Variants in MLIP observed in about 807,000 individuals in gnomAD.
The protein encoded by MLIP is muscular LMNA interacting protein.
MLIP carries 79 observed loss-of-function variants against 84.8 expected under a neutral mutation model. The observed-to-expected ratio is 0.93, with a 90% CI of 0.78 to 1.12. The LOEUF is 1.12. MLIP is among the 50% of genes most tolerant of loss of function. MLIP has a pLI of 0.00. For missense variants in MLIP, 1,257 were observed against 1,160.6 expected (o/e 1.08, Z -1.21); for synonymous variants, 504 against 463.0 (o/e 1.09, Z -1.14).
chr6:54,092,531 T>C (rs1039081261), intron 1 of MLIP, among the ~76,000 whole-genome samples: 4 of 152,070 alleles, frequency 2.6e-5, no homozygotes, highest in African/African-American at 9.7e-5. Context: ...TCTTTATTGA[T>C]CATATTTTCC....
chr6:54,215,430 A>C (rs1582527089), intron 11 of MLIP: 1 of 1,213,814 alleles, frequency 8.2e-7, no homozygotes, highest in East Asian at 3.2e-5. Flanking sequence ...TTTTTTTAAA[A>C]GTATAATTTC....
rs574966494 is a variant in MLIP at position 54,213,432 on chromosome 6, T to A, written c.2718+11199T>A. On this transcript the variant is annotated intron_variant, in intron 11 of 13. Coordinates refer to ENST00000502396, the MANE Select transcript of MLIP (RefSeq NM_001281747.2). The stretch of plus-strand genomic sequence containing the variant: ...AAGACATATCTCAGGCCAGGCTTGG[T>A]GGCTCACGCCTGTAATCCCAGCACT... 3.3e-5 allele frequency among the ~76,000 whole-genome samples: 5 copies of A among 152,278 alleles called. No homozygotes were observed. In the East Asian group the frequency reaches 9.6e-4, roughly 29 times the overall value.
intron 11 of MLIP, among the ~76,000 whole-genome samples, chr6:54,228,281 G>A (rs565674285): frequency 1.3e-5 from 2 of 151,362 alleles, no homozygotes; most frequent in African/African-American, 4.8e-5. Context: ...CCAGGATTAT[G>A]CTAAAGAGAA....
At chr6:54,045,389 A>G (rs542108839) in intron 1 of MLIP, 3 of 151,934 alleles carry the variant, frequency 2.0e-5, no homozygotes, top group African/African-American at 7.3e-5. Context: ...TGCACCATGC[A>G]TGATCAAATT....
intron 11 of MLIP, 99 bp from the exon 12 acceptor site, chr6:54,230,615 G>A (rs1780923882): frequency 1.9e-6 from 2 of 1,033,138 alleles, no homozygotes; most frequent in Admixed American, 1.8e-5. Flanking sequence ...TCTTCTTACT[G>A]GTAAGAGATT....
chr6:54,211,402 C>T (rs1428237310), intron 11 of MLIP, among the ~76,000 whole-genome samples: 2 of 152,108 alleles, frequency 1.3e-5, no homozygotes, highest in Non-Finnish European at 1.5e-5. Context: ...TGAAGACTGG[C>T]CCATTGCAGG....
intron 9 of MLIP, among the ~76,000 whole-genome samples, chr6:54,176,256 G>A (rs1257474624): frequency 6.6e-6 from 1 of 150,858 alleles, no homozygotes; most frequent in Admixed American, 6.6e-5. Context: ...AATGAGATTT[G>A]TAGTATTCCC....
chr6:54,258,905 G>A (rs569323470), intron 13 of MLIP, among the ~76,000 whole-genome samples: 1 of 151,910 alleles, frequency 6.6e-6, no homozygotes, highest in Non-Finnish European at 1.5e-5. Flanking sequence ...TCTCTGTCTG[G>A]TATCTAAATT....
intron 12 of MLIP, among the ~76,000 whole-genome samples, chr6:54,251,644 CAT>C (rs1353676241): frequency 3.2e-5 from 3 of 93,476 alleles, no homozygotes; most frequent in East Asian, 5.4e-4. Flanking sequence ...TATATTATAA[CAT>C]ATAATATATA....
intron 12 of MLIP, among the ~76,000 whole-genome samples, chr6:54,243,544 C>T (rs1471527339): frequency 6.6e-6 from 1 of 152,152 alleles, no homozygotes; most frequent in African/African-American, 2.4e-5. Flanking sequence ...ACTTACTTCA[C>T]ATGCAGCATT....
At chr6:54,146,656 T>G (rs2150514155) in intron 4 of MLIP, among the ~76,000 whole-genome samples, 1 of 152,336 alleles carries the variant, frequency 6.6e-6, no homozygotes, top group East Asian at 1.9e-4. Context: ...GAACAGAGAT[T>G]CATGTGTCAG....
intron 1 of MLIP, among the ~76,000 whole-genome samples, chr6:54,112,069 T>C (rs140309226): frequency 6.6e-6 from 1 of 152,352 alleles, no homozygotes; most frequent in East Asian, 1.9e-4. Flanking sequence ...TTATCTCATA[T>C]TTCTATGACT....
chr6:54,096,101 G>T (rs1210361397), intron 1 of MLIP, among the ~76,000 whole-genome samples: 3 of 152,150 alleles, frequency 2.0e-5, no homozygotes, highest in Admixed American at 1.3e-4. Flanking sequence ...GTTTTGAAAA[G>T]ATTTGTTCTT....
chr6:54,168,516 C>A (rs929553840), intron 8 of MLIP, among the ~76,000 whole-genome samples: 27 of 151,694 alleles, frequency 1.8e-4, no homozygotes, highest in African/African-American at 6.5e-4. Context: ...TATTTCTTTT[C>A]TTCCAGAATG....
chr6:54,036,373 G>T (rs1764442571), intron 1 of MLIP, among the ~76,000 whole-genome samples: 1 of 151,640 alleles, frequency 6.6e-6, no homozygotes, highest in African/African-American at 2.4e-5. Context: ...GCCAAATCAT[G>T]AGTGAACTCC....
chr6:54,085,345 G>T (rs541317598), intron 1 of MLIP, among the ~76,000 whole-genome samples: 2 of 152,284 alleles, frequency 1.3e-5, no homozygotes, highest in Admixed American at 6.5e-5. Flanking sequence ...GTATGACCTT[G>T]GGGGAGGTTA....
chr6:54,164,847 T>C (rs183955828), intron 8 of MLIP, among the ~76,000 whole-genome samples: 7 of 152,012 alleles, frequency 4.6e-5, no homozygotes, highest in African/African-American at 1.7e-4. Flanking sequence ...CATCCTTTAT[T>C]TATCTGTTCA....
intron 13 of MLIP, among the ~76,000 whole-genome samples, chr6:54,260,355 C>T (rs1215068369): frequency 2.0e-5 from 3 of 151,920 alleles, no homozygotes; most frequent in African/African-American, 7.2e-5. Flanking sequence ...CTGTAATTGA[C>T]TTTTGAAACA....
chr6:54,262,654 G>A (rs151137251), intron 13 of MLIP, among the ~76,000 whole-genome samples: 1 of 152,112 alleles, frequency 6.6e-6, no homozygotes, highest in Admixed American at 6.6e-5. Flanking sequence ...ACATTTAAAG[G>A]ACATGGTTCT....
Sources: allele counts gnomAD v4.1 joint callset (sites outside exome capture counted in the v4.1 genomes callset), GRCh38; gene constraint gnomAD v4.1.1; transcripts MANE v1.5; gene names NCBI Gene and HGNC (gene_info 2026-07-23, HGNC 2026-07-21).